Variants in FCRL3 observed in about 807,000 individuals in gnomAD.
FCRL3 encodes the protein Fc receptor-like protein 3.
A neutral mutation model predicts 75.0 loss-of-function variants in FCRL3; 89 were observed. That is an observed-to-expected ratio of 1.19 (90% CI 1.00 to 1.42). The LOEUF (loss-of-function observed/expected upper bound fraction) is 1.42, where lower values mean the gene tolerates loss of function less well. Ranked by LOEUF, FCRL3 falls within the 40% of genes most tolerant of loss-of-function variation. FCRL3 has a pLI of 0.00. For missense variants in FCRL3, 946 were observed against 880.0 expected, an observed-to-expected ratio of 1.07 and a Z score of -0.95; for synonymous variants, 376 against 348.5, an observed-to-expected ratio of 1.08 and a Z score of -0.88.
chr1:157,686,803 G>T (rs1052668166), intron 10 of FCRL3, among the ~76,000 whole-genome samples: 1 of 152,094 alleles, frequency 6.6e-6, no homozygotes, highest in African/African-American at 2.4e-5. Context: ...ATGGATCAAA[G>T]ATTTAAATGT....
Position 157,696,062 on chromosome 1 carries a change from C to T in FCRL3, c.1110G>A (p.Thr370=), listed in dbSNP as rs138219281. 309 of 1,611,138 alleles carry T rather than the reference C, an allele frequency of 1.9e-4. No individual in the cohort carries two copies. The highest frequency in any genetic ancestry group is 1.2e-3 in the Admixed American group (73 of 59,940). ...ADNVHSPILS[T]WIRVTVRIPV... ...TACTTCTCACGGTGACTCGAATCCACGTGCTGAGGATGGGGCTGTGAACGT... is the reference window on the plus strand; with the variant it reads ...TACTTCTCACGGTGACTCGAATCCATGTGCTGAGGATGGGGCTGTGAACGT... The change falls in exon 7 of 15, where the codon ACG becomes ACA. Residue 370 remains threonine (T), a synonymous_variant. Coordinates refer to ENST00000368184, the MANE Select transcript of FCRL3 (RefSeq NM_052939.4).
At chr1:157,700,319 G>A in intron 2 of FCRL3, 140 bp downstream of exon 2, 2 of 1,287,758 alleles carry the variant, frequency 1.6e-6, no homozygotes, top group Non-Finnish European at 2.1e-6. Context: ...GTTGTCCAGG[G>A]AACCCAGCTC....
intron 12 of FCRL3, 104 bp from the exon 13 acceptor site, chr1:157,680,874 C>A (rs1654793126): frequency 1.4e-6 from 2 of 1,434,792 alleles, no homozygotes; most frequent in Middle Eastern, 1.8e-4. Flanking sequence ...CAGTGTAATG[C>A]TAGGAATGTC....
At chr1:157,684,984 G>A (rs971521556) in intron 10 of FCRL3, among the ~76,000 whole-genome samples, 1 of 152,112 alleles carries the variant, frequency 6.6e-6, no homozygotes, top group African/African-American at 2.4e-5. Context: ...GAAGAGCACA[G>A]ACCCTCTGCT....
chr1:157,700,929 A>G (rs1656278431), upstream of FCRL3: 2 of 197,080 alleles, frequency 1.0e-5, no homozygotes, highest in Admixed American at 1.1e-4. Context: ...GCGTGGTGTG[A>G]ATCACACAGT....
At chr1:157,700,803 T>C, upstream of FCRL3, 2 of 1,091,718 alleles carry the variant, frequency 1.8e-6, no homozygotes, top group Non-Finnish European at 2.3e-6. Flanking sequence ...AGTTGTGTAT[T>C]TGCTAGTATT....
chr1:157,689,961 T>C (rs1655411261), intron 9 of FCRL3, 44 bp from the exon 10 acceptor site: 1 of 1,608,936 alleles, frequency 6.2e-7, no homozygotes. Context: ...GCACAGGTTT[T>C]GGATACAGAC....
At chr1:157,697,605 T>C (rs1656021651) in intron 5 of FCRL3, 54 bp downstream of exon 5, 2 of 1,565,256 alleles carry the variant, frequency 1.3e-6, no homozygotes, top group South Asian at 2.5e-5. Context: ...ACATCTTCCC[T>C]TTATCCCCAG....
rs745951308 is a variant in FCRL3 at position 157,696,231 on chromosome 1, C to T, written c.941G>A (p.Gly314Asp). ...CCAGGAGAATGTGACAGTCCCTGAA[C>T]CCTGGGCTACTGAGCAAATAAGGAC... ...NMVLICSVAQ[G>D]SGTVTFSWHK... Residue 314 changes from glycine (G) to aspartate (D), a missense_variant, in exon 7 of 15, where the codon GGT (glycine) becomes GAT (aspartate). Coordinates refer to ENST00000368184, the MANE Select transcript of FCRL3 (RefSeq NM_052939.4). The T allele has an allele frequency of 3.1e-6, 5 of 1,613,988 alleles. No homozygotes were observed. In the Admixed American group the frequency reaches 5.0e-5, roughly 16 times the overall value.
chr1:157,691,457 G>C (rs2101611343), intron 8 of FCRL3, among the ~76,000 whole-genome samples: 1 of 152,298 alleles, frequency 6.6e-6, no homozygotes, highest in South Asian at 2.1e-4. Flanking sequence ...AAGGGAATGA[G>C]TGTGAATGTG....
chr1:157,680,822 C>T (rs1199719601), intron 12 of FCRL3, 52 bp from the exon 13 acceptor site: 1 of 1,547,880 alleles, frequency 6.5e-7, no homozygotes. Flanking sequence ...ATATTCTAGA[C>T]TCTACTTCCC....
At chr1:157,682,069 T>C (rs1157168604) in intron 11 of FCRL3, among the ~76,000 whole-genome samples, 5 of 152,290 alleles carry the variant, frequency 3.3e-5, no homozygotes, top group South Asian at 2.1e-4. Context: ...TCATATCCTT[T>C]GCCCACTTTT....
Position 157,689,916 on chromosome 1 carries a change from T to C in FCRL3, c.1692A>G (p.Gly564=). ...HSKVVTLNVT[G]TSRNRTGLTA... ...TAAGGCCTGTTCTGTTCCTGGAAGT[T>C]CCTGAGTGGAGGGAGCTGTACTTGA... Residue 564 remains glycine (G), a splice_region_variant and synonymous_variant, in exon 10 of 15, where the codon GGA becomes GGG. Transcript: ENST00000368184. 6.2e-7 allele frequency: 1 copy of C among 1,614,102 alleles called. No homozygotes were observed. Among genetic ancestry groups the C allele is most frequent in the Non-Finnish European group, 8.5e-7 (1 of 1,179,976 alleles).
intron 4 of FCRL3, 32 bp from the exon 5 acceptor site, chr1:157,697,951 T>C (rs1329496862): frequency 6.2e-7 from 1 of 1,602,912 alleles, no homozygotes; most frequent in Non-Finnish European, 8.5e-7. Context: ...ACTCAGGTTA[T>C]CCCCTGCTGT....
chr1:157,679,830 C>CAAAAAAAAAAATAAAAAAAAA (rs1654718138), intron 13 of FCRL3, among the ~76,000 whole-genome samples: 3 of 49,904 alleles, frequency 6.0e-5, no homozygotes, highest in African/African-American at 2.7e-4. Flanking sequence ...CCCCATCTCA[C>CAAAAAAAAAAATAAAAAAAAA]AAAAAAAAAA....
At chr1:157,692,936 G>A (rs1356751992) in intron 8 of FCRL3, among the ~76,000 whole-genome samples, 1 of 152,086 alleles carries the variant, frequency 6.6e-6, no homozygotes, top group Admixed American at 6.6e-5. Flanking sequence ...AAAAATCCAT[G>A]GAAACAGAAC....
chr1:157,685,197 C>T (rs1655102241), intron 10 of FCRL3, among the ~76,000 whole-genome samples: 1 of 151,478 alleles, frequency 6.6e-6, no homozygotes, highest in Non-Finnish European at 1.5e-5. Context: ...TAGAAAATGG[C>T]ATCCCAGATA....
chr1:157,688,850 G>A (rs1334842440), intron 10 of FCRL3, among the ~76,000 whole-genome samples: 1 of 151,994 alleles, frequency 6.6e-6, no homozygotes, highest in African/African-American at 2.4e-5. Flanking sequence ...GACCAAGTTG[G>A]GTTGACCCCA....
chr1:157,687,381 T>C (rs1266768500), intron 10 of FCRL3, among the ~76,000 whole-genome samples: 1 of 139,582 alleles, frequency 7.2e-6, no homozygotes, highest in Admixed American at 8.0e-5. Flanking sequence ...GGTTTGGAGA[T>C]TTCTCAAAGA....
Sources: gnomAD v4.1 joint callset for allele counts (sites outside exome capture counted in the v4.1 genomes callset) on GRCh38, gnomAD v4.1.1 for gene constraint, MANE v1.5 for transcripts, NCBI Gene and HGNC (gene_info 2026-07-23, HGNC 2026-07-21) for gene names.